The following PUM1 variants were observed in gnomAD, a reference collection of about 807,000 sequenced individuals.
PUM1 encodes pumilio RNA binding family member 1.
A neutral mutation model predicts 131.8 loss-of-function variants in PUM1; 13 were observed. The ratio of observed to expected loss-of-function variants is 0.10; its 90% CI spans 0.06 to 0.16. The LOEUF (loss-of-function observed/expected upper bound fraction) is 0.16, where lower values mean the gene tolerates loss of function less well. Among genes scored for constraint, PUM1 ranks in the 10% least tolerant of loss-of-function variants. The probability of loss-of-function intolerance (pLI) is 1.00; values close to 1 mark genes in which losing one functional copy is unlikely to be tolerated. For synonymous variants in PUM1, 509 were observed against 556.5 expected, an observed-to-expected ratio of 0.91 and a Z score of 1.20; for missense variants, 961 against 1,512.4, an observed-to-expected ratio of 0.64 and a Z score of 6.05.
intron 3 of PUM1, among the ~76,000 whole-genome samples, chr1:31,019,218 G>A (rs1642931739): frequency 6.6e-6 from 1 of 152,140 alleles, no homozygotes; most frequent in Admixed American, 6.5e-5. Context: ...CAGGTGTGGT[G>A]GCAGGCACCT....
chr1:30,937,249 CAG>C (rs1264436848), intron 20 of PUM1, among the ~76,000 whole-genome samples: 1 of 152,116 alleles, frequency 6.6e-6, no homozygotes. Context: ...GGTTCACCAC[CAG>C]CTGGTTATTA....
At position 30,968,382 on chromosome 1, in the gene PUM1, A is replaced by C; in HGVS notation, c.1617T>G (p.Phe539Leu). Residue 539 changes from phenylalanine (F) to leucine (L), a missense_variant, in exon 11 of 22, where the codon TTT (phenylalanine) becomes TTG (leucine). Coordinates refer to ENST00000426105, the MANE Select transcript of PUM1 (RefSeq NM_001020658.2). ...AAAAVNSALAFGQGLAAGMPG... is the reference protein window; with the variant it reads ...AAAAVNSALALGQGLAAGMPG... ...GCATGCCTGCTGCCAGACCTTGTCC[A>C]AATGCAAGGGCAGAATTCACTGCTG... The C allele has an allele frequency of 6.3e-7, 1 of 1,587,012 alleles. No individual in the cohort carries two copies. The highest frequency in any genetic ancestry group is 1.8e-5 in the Admixed American group (1 of 55,270).
At chr1:31,015,498 C>T (rs867962345) in intron 3 of PUM1, among the ~76,000 whole-genome samples, 3 of 150,704 alleles carry the variant, frequency 2.0e-5, no homozygotes, top group Non-Finnish European at 3.0e-5. Flanking sequence ...CCTGCCACCA[C>T]GCCTGACTAA....
intron 2 of PUM1, among the ~76,000 whole-genome samples, chr1:31,038,088 A>T (rs1418187021): frequency 6.6e-6 from 1 of 152,120 alleles, no homozygotes; most frequent in Non-Finnish European, 1.5e-5. Context: ...CAAAAAAAAA[A>T]AAAAACCCTG....
chr1:31,051,985 A>C (rs1644119805), intron 2 of PUM1, among the ~76,000 whole-genome samples: 1 of 152,174 alleles, frequency 6.6e-6, no homozygotes, highest in African/African-American at 2.4e-5. Flanking sequence ...AAAAATCTAA[A>C]GGTATAAAAA....
At position 31,065,691 on chromosome 1, in the gene PUM1, T is replaced by C; in HGVS notation, c.-87A>G. The C allele has an allele frequency of 6.5e-7, 1 of 1,549,382 alleles. No individual in the cohort carries two copies. Among genetic ancestry groups the C allele is most frequent in the Non-Finnish European group, 8.7e-7 (1 of 1,146,722 alleles). On this transcript the variant is annotated 5_prime_UTR_variant, in exon 1 of 22. Coordinates refer to ENST00000426105, the MANE Select transcript of PUM1 (RefSeq NM_001020658.2). ...CTGGCGCTCTCGCTCCCCCTTACCT[T>C]TCACTCCGACAACATGGCGGCCCAC...
At chr1:30,950,329 T>C (rs1639875291) in intron 16 of PUM1, 68 bp from the exon 17 acceptor site, 1 of 1,525,152 alleles carries the variant, frequency 6.6e-7, no homozygotes, top group South Asian at 1.2e-5. Flanking sequence ...AAGCAAAGCA[T>C]TCATTATTCT....
intron 2 of PUM1, among the ~76,000 whole-genome samples, chr1:31,045,355 C>T (rs1446792201): frequency 6.6e-6 from 1 of 151,394 alleles, no homozygotes; most frequent in African/African-American, 2.4e-5. Context: ...CCAGGCAGGT[C>T]GCGAACTCCT....
intron 2 of PUM1, among the ~76,000 whole-genome samples, chr1:31,038,985 T>TATATATATATATATATATATATATATATA (rs879343889): frequency 3.0e-5 from 1 of 33,006 alleles, no homozygotes; most frequent in Non-Finnish European, 4.5e-5. Flanking sequence ...TATATATATA[T>TATATATATATATATATATATATATATATA]TTTTTTTTTT....
intron 2 of PUM1, among the ~76,000 whole-genome samples, chr1:31,031,600 TACC>T (rs528504882): frequency 3.3e-5 from 5 of 152,216 alleles, no homozygotes; most frequent in Non-Finnish European, 7.4e-5. Flanking sequence ...GCCCTTTCTG[TACC>T]ACCAAGCTGC....
chr1:30,984,872 G>T (rs1641487734), intron 7 of PUM1, among the ~76,000 whole-genome samples: 1 of 152,040 alleles, frequency 6.6e-6, no homozygotes, highest in Non-Finnish European at 1.5e-5. Context: ...AAACCTGGAG[G>T]AGTAATGTCT....
intron 3 of PUM1, 149 bp downstream of exon 3, chr1:31,028,647 T>A (rs772604918): frequency 1.4e-5 from 10 of 723,378 alleles, no homozygotes; most frequent in Admixed American, 6.9e-5. Flanking sequence ...TTGGCAAAAT[T>A]CTCCAGCATC....
chr1:30,986,067 G>C (rs1641545976), intron 7 of PUM1, among the ~76,000 whole-genome samples: 1 of 152,102 alleles, frequency 6.6e-6, no homozygotes, highest in African/African-American at 2.4e-5. Flanking sequence ...CGATTCTCCT[G>C]TCTCAGCCTC....
At chr1:31,026,411 AT>A (rs984578654) in intron 3 of PUM1, among the ~76,000 whole-genome samples, 8 of 152,176 alleles carry the variant, frequency 5.3e-5, no homozygotes, top group African/African-American at 1.9e-4. Flanking sequence ...CTCCTCCTCC[AT>A]TAAAGTCTAA....
At chr1:30,992,816 G>A (rs536781435) in intron 6 of PUM1, among the ~76,000 whole-genome samples, 156 bp from the exon 7 acceptor site, 51 of 152,324 alleles carry the variant, frequency 3.3e-4, no homozygotes, top group African/African-American at 1.1e-3. Flanking sequence ...AGGGCTTACA[G>A]GGTTACATCT....
chr1:30,967,022 T>C, intron 12 of PUM1, 145 bp downstream of exon 12: 1 of 990,698 alleles, frequency 1.0e-6, no homozygotes, highest in Non-Finnish European at 1.4e-6. Flanking sequence ...GGTCACTTAT[T>C]GCTTCTGATC....
chr1:31,040,750 A>G (rs1643788602), intron 2 of PUM1, among the ~76,000 whole-genome samples: 2 of 152,038 alleles, frequency 1.3e-5, no homozygotes, highest in South Asian at 2.1e-4. Flanking sequence ...TCTAAAACTA[A>G]TAATAAATTT....
chr1:30,937,306 CA>C (rs1249580464), intron 20 of PUM1, among the ~76,000 whole-genome samples: 1 of 152,184 alleles, frequency 6.6e-6, no homozygotes, highest in East Asian at 1.9e-4. Context: ...TCGCCTTTGT[CA>C]GTTCACCAAG....
intron 14 of PUM1, among the ~76,000 whole-genome samples, chr1:30,955,390 C>T (rs1433432802): frequency 4.7e-5 from 7 of 147,882 alleles, no homozygotes; most frequent in African/African-American, 9.9e-5. Context: ...TGGCGAACCC[C>T]GGAGGCAGGG....
Sources: allele counts gnomAD v4.1 joint callset (sites outside exome capture counted in the v4.1 genomes callset), GRCh38; gene constraint gnomAD v4.1.1; transcripts MANE v1.5; gene names NCBI Gene and HGNC (gene_info 2026-07-23, HGNC 2026-07-21).